The following TPPP variants were observed in gnomAD, a reference collection of about 807,000 sequenced individuals.
The protein encoded by TPPP is tubulin polymerization promoting protein, also known as tubulin polymerization-promoting protein.
In TPPP, 6 loss-of-function variants were observed where a neutral mutation model predicts 15.5. That is an observed-to-expected ratio of 0.39 (90% confidence interval 0.21 to 0.77). The LOEUF (loss-of-function observed/expected upper bound fraction) is 0.77, where lower values mean the gene tolerates loss of function less well. Ranked by LOEUF, TPPP falls within the 30% of genes least tolerant of loss-of-function variation. TPPP has a pLI of 0.42. For synonymous variants in TPPP, 146 were observed against 133.9 expected, an observed-to-expected ratio of 1.09 and a Z score of -0.63; for missense variants, 269 against 307.2, an observed-to-expected ratio of 0.88 and a Z score of 0.93.
chr5:699,128 GA>G, the TPPP span, among the ~76,000 whole-genome samples: 2 of 151,610 alleles, frequency 1.3e-5, no homozygotes, highest in Admixed American at 6.6e-5. Flanking sequence ...TATCAAATTA[GA>G]AAAAAAATCC....
chr5:684,773 A>C (rs55660354), intron 1 of TPPP, among the ~76,000 whole-genome samples: 18,152 of 151,722 alleles, frequency 0.12, 1,405 homozygotes, highest in South Asian at 0.18. Flanking sequence ...ATCGCACGGC[A>C]CTCCTGCTCC....
At chr5:680,615 C>T (rs979831589) in intron 1 of TPPP, among the ~76,000 whole-genome samples, 2 of 150,720 alleles carry the variant, frequency 1.3e-5, no homozygotes, top group African/African-American at 2.4e-5. Flanking sequence ...AAGTGGAACC[C>T]GTCCCAACTC....
intron 1 of TPPP, among the ~76,000 whole-genome samples, chr5:686,323 G>C: frequency 6.6e-6 from 1 of 152,390 alleles, no homozygotes; most frequent in African/African-American, 2.4e-5. Flanking sequence ...CACCAGGTTA[G>C]AGGACACAGC....
chr5:692,948 G>A lies in TPPP; in HGVS notation c.-5+330C>T. The A allele has an allele frequency of 3.7e-6, 3 of 815,196 alleles. 1 individual carries two copies. The highest frequency in any genetic ancestry group is 5.6e-5 in the South Asian group (1 of 18,014). The allele number at this position is 815,196 out of a possible 1,614,324, so 50.5% of individuals were successfully genotyped here. On this transcript the variant is annotated intron_variant, in intron 1 of 3. Transcript: ENST00000360578. ...AGGGTCTGGAGGGAAGGGCTGCAGG[G>A]GCGTCCGTGGCCGCGAAGAAAGGCC...
At chr5:695,817 G>C (rs1417406324), upstream of TPPP, among the ~76,000 whole-genome samples, 2 of 145,906 alleles carry the variant, frequency 1.4e-5, no homozygotes, top group Non-Finnish European at 3.1e-5. Flanking sequence ...CTATTTTAAC[G>C]TAAGGTCTTA....
intron 2 of TPPP, among the ~76,000 whole-genome samples, chr5:668,962 A>C (rs1224264726): frequency 6.6e-6 from 1 of 152,178 alleles, no homozygotes; most frequent in Non-Finnish European, 1.5e-5. Context: ...TGCTGTGTTT[A>C]AACAGCACCT....
At chr5:667,837 G>A (rs974439711) in intron 2 of TPPP, among the ~76,000 whole-genome samples, 2 of 149,766 alleles carry the variant, frequency 1.3e-5, no homozygotes, top group African/African-American at 5.0e-5. Context: ...AGCACACGGA[G>A]AGGGGTCCGC....
At chr5:672,099 G>T (rs1740242994) in intron 2 of TPPP, among the ~76,000 whole-genome samples, 2 of 152,228 alleles carry the variant, frequency 1.3e-5, no homozygotes, top group South Asian at 4.1e-4. Context: ...TCCTGCTCCT[G>T]GGAGGTGGTT....
At chr5:676,912 C>T (rs1247356254) in intron 2 of TPPP, among the ~76,000 whole-genome samples, 1 of 149,134 alleles carries the variant, frequency 6.7e-6, no homozygotes, top group Admixed American at 6.7e-5. Flanking sequence ...CGCGCGCATA[C>T]ACGACGCAGA....
In TPPP at chr5:677,800, G is replaced by A. The variant is rs767454066; in HGVS notation, c.261C>T (p.Asp87=). Residue 87 remains aspartate (D), a synonymous_variant, in exon 2 of 4, where the codon GAC becomes GAT. Transcript: ENST00000360578. The stretch of plus-strand genomic sequence containing the variant: ...CGTCAGTGACGGTCACGTTCCTGCC[G>A]TCGATCACCTGGCAGTCCTTGCACA... The part of the protein sequence containing the change: ...SKLCKDCQVI[D]GRNVTVTDVD... 22 of 1,601,276 alleles carry A rather than the reference G, an allele frequency of 1.4e-5. No individual in the cohort carries two copies. The highest frequency in any genetic ancestry group is 2.2e-5 in the East Asian group (1 of 44,606).
At chr5:666,358 G>A (rs1406926838) in intron 2 of TPPP, among the ~76,000 whole-genome samples, 4 of 152,260 alleles carry the variant, frequency 2.6e-5, no homozygotes, top group Non-Finnish European at 5.9e-5. Context: ...CTGACACAGG[G>A]TGTGTGCGGG....
At chr5:665,377 A>C (rs1739853577) in intron 3 of TPPP, 81 bp from the exon 4 acceptor site, 4 of 1,381,266 alleles carry the variant, frequency 2.9e-6, no homozygotes, top group Non-Finnish European at 3.0e-6. Flanking sequence ...TGCCCTGGGC[A>C]GGTCTCCCAG....
chr5:671,140 T>C (rs1740207830), intron 2 of TPPP, among the ~76,000 whole-genome samples: 1 of 152,004 alleles, frequency 6.6e-6, no homozygotes, highest in African/African-American at 2.4e-5. Context: ...GGCTCCCCCC[T>C]GCCTGAGGGG....
intron 2 of TPPP, among the ~76,000 whole-genome samples, chr5:676,979 ACGACGCAGAAACGCGCACACG>A (rs1461345655): frequency 0.018 from 2,072 of 118,168 alleles, 40 homozygotes; most frequent in African/African-American, 0.05. Context: ...AAACGCACAC[ACGACGCAGAAACGCGCACACG>A]TGCACACGCA....
At chr5:697,369 G>A (rs529066292), upstream of TPPP, among the ~76,000 whole-genome samples, 12 of 149,142 alleles carry the variant, frequency 8.0e-5, 1 homozygote, top group African/African-American at 2.9e-4. Flanking sequence ...TTCCACAGCC[G>A]ATGTTAGGGA....
chr5:665,039 G>A lies in TPPP; in HGVS notation c.*63C>T. On this transcript the variant is annotated 3_prime_UTR_variant, in exon 4 of 4. Coordinates refer to ENST00000360578, the MANE Select transcript of TPPP (RefSeq NM_007030.3). ...CCAGTTAGTACAGGAATGTAATGAAGTGCGAGGTGACAGAGTCCCTGCTCT... is the reference window on the plus strand; with the variant it reads ...CCAGTTAGTACAGGAATGTAATGAAATGCGAGGTGACAGAGTCCCTGCTCT... 6.5e-7 allele frequency: 1 copy of A among 1,545,778 alleles called. No homozygotes were observed. The highest frequency in any genetic ancestry group is 1.2e-5 in the South Asian group (1 of 84,878).
At chr5:670,126 C>G (rs1740159946) in intron 2 of TPPP, among the ~76,000 whole-genome samples, 1 of 152,194 alleles carries the variant, frequency 6.6e-6, no homozygotes, top group Non-Finnish European at 1.5e-5. Context: ...ACACTGGGAC[C>G]CGGCCTGGGG....
At chr5:678,862 G>A (rs552752207) in intron 1 of TPPP, among the ~76,000 whole-genome samples, 13 of 152,190 alleles carry the variant, frequency 8.5e-5, no homozygotes, top group South Asian at 2.1e-4. Context: ...GCTTGGGGAC[G>A]CAGGGCTACG....
chr5:664,796 C>A lies in TPPP; in HGVS notation c.*306G>T, dbSNP rs552281427. 7.0e-5 allele frequency: 24 copies of A among 341,084 alleles called. No homozygotes were observed. Among genetic ancestry groups the A allele is most frequent in the Non-Finnish European group, 1.1e-4 (21 of 184,278 alleles). 21.1% of individuals were successfully genotyped at this position (341,084 alleles called of 1,614,324 possible). A position where few individuals can be genotyped will look rare whatever the true frequency, so the allele number is the denominator to read the frequency against. ...GACAGCCAGCTGCTTTAAAACGCCC[C>A]TTTGACCTGCAAACCACGTGCCCAG... On this transcript the variant is annotated 3_prime_UTR_variant, in exon 4 of 4. Coordinates refer to ENST00000360578, the MANE Select transcript of TPPP (RefSeq NM_007030.3).
Sources: gnomAD v4.1 joint callset for allele counts (sites outside exome capture counted in the v4.1 genomes callset) on GRCh38, gnomAD v4.1.1 for gene constraint, MANE v1.5 for transcripts, NCBI Gene and HGNC (gene_info 2026-07-23, HGNC 2026-07-21) for gene names.